Variants in YTHDF3 observed in about 807,000 individuals in gnomAD.
YTHDF3 encodes YTH domain-containing family protein 3.
In YTHDF3, 9 loss-of-function variants were observed where a neutral mutation model predicts 52.5. The observed-to-expected ratio is 0.17, with a 90% confidence interval of 0.10 to 0.30. YTHDF3 has a LOEUF of 0.30. Ranked by LOEUF, YTHDF3 falls within the 10% of genes least tolerant of loss-of-function variation. The pLI, the probability that YTHDF3 is intolerant of heterozygous loss-of-function variation, is 1.00. For missense variants in YTHDF3, 534 were observed against 715.0 expected (o/e 0.75, Z 2.89); for synonymous variants, 274 against 243.3 (o/e 1.13, Z -1.18).
rs1218802602 is a variant in YTHDF3, at chr8:63,168,705, G to A, written c.-173G>A. 1 of 1,267,898 alleles carries A rather than the reference G, an allele frequency of 7.9e-7. No individual in the cohort carries two copies. The highest frequency in any genetic ancestry group is 1.5e-5 in the African/African-American group (1 of 67,232). The allele number at this position is 1,267,898 out of a possible 1,614,324, so 78.5% of individuals were successfully genotyped here. ...AGGAGCGTGCAAGCGGAAAAGACGG[G>A]CCTCTTCCTCCGACTCCCGAGCGCG... On this transcript the variant is annotated 5_prime_UTR_variant, in exon 1 of 5. Transcript: ENST00000539294.
intron 3 of YTHDF3, 130 bp from the exon 4 acceptor site, chr8:63,186,017 T>G: frequency 9.9e-7 from 1 of 1,006,846 alleles, no homozygotes; most frequent in South Asian, 2.0e-5. Flanking sequence ...AATTTTAATT[T>G]TGTTTATCTA....
At position 63,187,546 on chromosome 8, in the gene YTHDF3, C is replaced by G. The variant is rs751003990; in HGVS notation, c.1535C>G (p.Pro512Arg). The G allele has an allele frequency of 6.2e-7, 1 of 1,613,840 alleles. No homozygotes were observed. The highest frequency in any genetic ancestry group is 8.5e-7 in the Non-Finnish European group (1 of 1,179,842). ...AAATGGATCTTTGTCAAAGATGTTC[C>G]CAATAACCAATTACGGCATATTCGC... ...EVKWIFVKDV[P>R]NNQLRHIRLE... Residue 512 changes from proline (P) to arginine (R), a missense_variant, in exon 4 of 5, where the codon CCC becomes CGC. Physicochemically the swap from Pro to Arg is moderately radical, Grantham distance 103 (BLOSUM62 -2). Around this residue, in one of 3 missense-constraint regions of YTHDF3, gnomAD observed 135 missense variants for 214.2 expected, o/e 0.63. Coordinates refer to ENST00000539294, the MANE Select transcript of YTHDF3 (RefSeq NM_152758.6).
rs777214855 is a variant in YTHDF3, at chr8:63,187,510, A to G, written c.1499A>G (p.Lys500Arg). Residue 500 changes from lysine (K) to arginine (R), a missense_variant, in exon 4 of 5, where the codon AAA (lysine) becomes AGA (arginine). By Grantham distance (26) the Lys-to-Arg change is conservative. Transcript: ENST00000539294. The stretch of plus-strand genomic sequence containing the variant: ...TGGTCTCAGGATAAGTGGAAGGGCA[A>G]ATTTGAAGTTAAATGGATCTTTGTC... ...GVWSQDKWKG[K>R]FEVKWIFVKD... The G allele has an allele frequency of 1.6e-5, 26 of 1,613,876 alleles. No homozygotes were observed. Among genetic ancestry groups the G allele is most frequent in the Non-Finnish European group, 2.2e-5 (26 of 1,179,898 alleles).
intron 3 of YTHDF3, among the ~76,000 whole-genome samples, chr8:63,180,240 G>T (rs1808020797): frequency 2.7e-5 from 4 of 150,156 alleles, no homozygotes; most frequent in African/African-American, 9.8e-5. Context: ...CAGGCAGAGG[G>T]TTTCCTCACT....
chr8:63,178,890 CAAG>C (rs1563395525), intron 3 of YTHDF3, among the ~76,000 whole-genome samples: 1 of 152,118 alleles, frequency 6.6e-6, no homozygotes, highest in African/African-American at 2.4e-5. Flanking sequence ...TGAAAGATCT[CAAG>C]AAGATACTGG....
chr8:63,193,806 TAAG>T (rs1264264028), intron 4 of YTHDF3, among the ~76,000 whole-genome samples: 2 of 152,174 alleles, frequency 1.3e-5, no homozygotes, highest in East Asian at 1.9e-4. Flanking sequence ...TTGGCAAAAT[TAAG>T]AAGTTTGACA....
rs957244693 is a variant in YTHDF3 at position 63,202,463 on chromosome 8, T to C, written c.1735-7220T>C. On this transcript the variant is annotated intron_variant, in intron 4 of 4. Coordinates refer to ENST00000539294, the MANE Select transcript of YTHDF3 (RefSeq NM_152758.6). Reference sequence around the variant, plus strand: ...ATCTGTTACTGCCCTTGTTCTACTCTTTTTTTTTTTTTTTTGAGATGGAGT... The same window carrying C: ...ATCTGTTACTGCCCTTGTTCTACTCCTTTTTTTTTTTTTTTGAGATGGAGT... 3.1e-3 allele frequency among the ~76,000 whole-genome samples: 31 copies of C among 10,070 alleles called. No individual in the cohort carries two copies. In the African/African-American group the frequency reaches 0.11, roughly 36 times the overall value. 6.6% of individuals were successfully genotyped at this position (10,070 alleles called of 152,430 possible). A position where few individuals can be genotyped will look rare whatever the true frequency, so the allele number is the denominator to read the frequency against.
chr8:63,181,937 T>G (rs1170194716), intron 3 of YTHDF3, among the ~76,000 whole-genome samples: 1 of 152,214 alleles, frequency 6.6e-6, no homozygotes, highest in East Asian at 1.9e-4. Flanking sequence ...TAAATTATAC[T>G]TTTAGAAAAT....
At chr8:63,171,036 C>T (rs1807289683) in intron 2 of YTHDF3, among the ~76,000 whole-genome samples, 1 of 152,170 alleles carries the variant, frequency 6.6e-6, no homozygotes, top group Non-Finnish European at 1.5e-5. Context: ...TTTTATCCAT[C>T]AGTATCGCTT....
intron 3 of YTHDF3, among the ~76,000 whole-genome samples, chr8:63,176,019 G>A (rs1306807124): frequency 1.3e-5 from 2 of 152,038 alleles, no homozygotes; most frequent in Non-Finnish European, 2.9e-5. Flanking sequence ...ATTGGTAACT[G>A]GTGGCTTTGA....
At chr8:63,169,049 CGGGGCGTGCGCCCT>C in intron 1 of YTHDF3, 148 bp downstream of exon 1, 1 of 1,423,926 alleles carries the variant, frequency 7.0e-7, no homozygotes. Flanking sequence ...CTACCCGGGC[CGGGGCGTGCGCCCT>C]GGCCCCGTAG....
intron 4 of YTHDF3, among the ~76,000 whole-genome samples, chr8:63,207,997 T>C (rs1325234081): frequency 6.6e-6 from 1 of 152,234 alleles, no homozygotes; most frequent in African/African-American, 2.4e-5. Flanking sequence ...AAAATTAAAC[T>C]ACAGCTTCAT....
Position 63,187,627 on chromosome 8 carries a change from C to T in YTHDF3, c.1616C>T (p.Pro539Leu). ...AATTCAAGGGACACTCAAGAGGTACCCCTAGAAAAAGCTAAGCAAGTGCTT... is the reference window on the plus strand; with the variant it reads ...AATTCAAGGGACACTCAAGAGGTACTCCTAGAAAAAGCTAAGCAAGTGCTT... The part of the protein sequence containing the change: ...VTNSRDTQEV[P>L]LEKAKQVLKI... Residue 539 changes from proline to leucine, a missense_variant, in exon 4 of 5, where the codon CCC becomes CTC. Around this residue, in one of 3 missense-constraint regions of YTHDF3, gnomAD observed 135 missense variants for 214.2 expected, o/e 0.63. Coordinates refer to ENST00000539294, the MANE Select transcript of YTHDF3 (RefSeq NM_152758.6). 6.2e-7 allele frequency: 1 copy of T among 1,611,702 alleles called. No individual in the cohort carries two copies. The highest frequency in any genetic ancestry group is 8.5e-7 in the Non-Finnish European group (1 of 1,178,716).
chr8:63,168,972 G>A (rs1198851028), intron 1 of YTHDF3, 71 bp downstream of exon 1: 3 of 1,524,382 alleles, frequency 2.0e-6, no homozygotes, highest in Non-Finnish European at 2.6e-6. Context: ...CGGGGCTTCG[G>A]CTCCTCCCCG....
At chr8:63,198,710 GT>G in intron 4 of YTHDF3, among the ~76,000 whole-genome samples, 1 of 152,300 alleles carries the variant, frequency 6.6e-6, no homozygotes. Flanking sequence ...TTCAAAAATA[GT>G]TATACTTATG....
rs964314471 is a variant in YTHDF3, at chr8:63,187,000, A to G, written c.989A>G (p.Gln330Arg). The G allele has an allele frequency of 1.9e-6, 3 of 1,613,636 alleles. No individual in the cohort carries two copies. Among genetic ancestry groups the G allele is most frequent in the Non-Finnish European group, 2.5e-6 (3 of 1,179,734 alleles). ...CAGCCTCAACCACCACAACCACAGCAGCAACAAGGACCTCAGCCACAGGCC... is the reference window on the plus strand; with the variant it reads ...CAGCCTCAACCACCACAACCACAGCGGCAACAAGGACCTCAGCCACAGGCC... Reference protein sequence around the residue: ...QQQPQPPQPQQQQGPQPQAQP... With the variant: ...QQQPQPPQPQRQQGPQPQAQP... The change falls in exon 4 of 5, where the codon CAG (glutamine) becomes CGG (arginine). Residue 330 changes from glutamine (Q) to arginine (R), a missense_variant. Around this residue, in one of 3 missense-constraint regions of YTHDF3, gnomAD observed 203 missense variants for 201.3 expected, o/e 1.01. Coordinates refer to ENST00000539294, the MANE Select transcript of YTHDF3 (RefSeq NM_152758.6).
At chr8:63,173,223 T>TATA (rs1554533399) in intron 2 of YTHDF3, among the ~76,000 whole-genome samples, 1 of 143,980 alleles carries the variant, frequency 6.9e-6, no homozygotes, top group African/African-American at 2.6e-5. Flanking sequence ...TACAGATAAA[T>TATA]TTTAAGTAAG....
rs1263646681 is a variant in YTHDF3 at position 63,175,355 on chromosome 8, A to G, written c.74A>G (p.His25Arg). The G allele has an allele frequency of 1.9e-6, 3 of 1,610,340 alleles. No homozygotes were observed. Among genetic ancestry groups the G allele is most frequent in the East Asian group, 2.2e-5 (1 of 44,718 alleles). ...NKVSVQNGSI[H>R]QKDAVNDDDF... ...GTTTCAGTACAAAACGGTTCGATTC[A>G]TCAAAAAGATGCTGTAAATGATGAT... Residue 25 changes from histidine (H) to arginine (R), a missense_variant, in exon 3 of 5, where the codon CAT (histidine) becomes CGT (arginine). His to Arg is a conservative substitution (Grantham distance 29, BLOSUM62 0). Coordinates refer to ENST00000539294, the MANE Select transcript of YTHDF3 (RefSeq NM_152758.6).
intron 3 of YTHDF3, among the ~76,000 whole-genome samples, chr8:63,182,777 A>G (rs570614713): frequency 5.9e-5 from 9 of 152,046 alleles, no homozygotes; most frequent in Non-Finnish European, 8.8e-5. Flanking sequence ...GGATTTATCT[A>G]CTTCCCTGTA....
Sources: allele counts gnomAD v4.1 joint callset (sites outside exome capture counted in the v4.1 genomes callset), GRCh38; gene constraint gnomAD v4.1.1; regional missense constraint gnomAD v4.1.1; transcripts MANE v1.5; gene names NCBI Gene and HGNC (gene_info 2026-07-23, HGNC 2026-07-21).